Variants in TCAIM observed in about 807,000 individuals in gnomAD.
TCAIM encodes the protein T cell activation inhibitor, mitochondrial, also known as T-cell activation inhibitor, mitochondrial.
TCAIM carries 36 observed loss-of-function variants against 58.6 expected under a neutral mutation model. The ratio of observed to expected loss-of-function variants is 0.61; its 90% CI spans 0.47 to 0.81. TCAIM has a LOEUF of 0.81. TCAIM is among the 30% of genes least tolerant of loss of function. The pLI is 0.00. For synonymous variants in TCAIM, 172 were observed against 193.6 expected (o/e 0.89, Z 0.93); for missense variants, 466 against 579.6 (o/e 0.80, Z 2.01).
At chr3:44,400,979 G>A (rs953315909) in intron 9 of TCAIM, 7 of 567,526 alleles carry the variant, frequency 1.2e-5, no homozygotes, top group Non-Finnish European at 2.1e-5. Flanking sequence ...GTCACCCCTG[G>A]CATGTGACAG....
Position 44,389,503 on chromosome 3 carries a change from G to A in TCAIM, c.573-3352G>A, listed in dbSNP as rs150777593. On this transcript the variant is annotated intron_variant, in intron 5 of 10. Coordinates refer to ENST00000342649, the MANE Select transcript of TCAIM (RefSeq NM_173826.4). ...CCAAACCAGACATGATGTGTCATTTGATAATTCATATGTCAATAAATCATG... is the reference window on the plus strand; with the variant it reads ...CCAAACCAGACATGATGTGTCATTTAATAATTCATATGTCAATAAATCATG... Among the ~76,000 whole-genome samples the A allele has an allele frequency of 7.1e-4, 108 of 152,258 alleles. 2 individuals are homozygous for A. In the East Asian group the frequency reaches 0.018, roughly 26 times the overall value.
chr3:44,407,484 G>T lies in TCAIM; in HGVS notation c.1293G>T (p.Lys431Asn). The T allele has an allele frequency of 6.2e-7, 1 of 1,609,106 alleles. No individual in the cohort carries two copies. Among genetic ancestry groups the T allele is most frequent in the Non-Finnish European group, 8.5e-7 (1 of 1,176,236 alleles). Residue 431 changes from lysine (K) to asparagine (N), a missense_variant, in exon 11 of 11, where the codon AAG (lysine) becomes AAT (asparagine). Lys to Asn is a moderately conservative substitution (Grantham distance 94). Coordinates refer to ENST00000342649, the MANE Select transcript of TCAIM (RefSeq NM_173826.4). ...ATGAATTGATACAGGCATCAACAAAGAAATTTTCTTTGGAGAAGTTATATA... is the reference window on the plus strand; with the variant it reads ...ATGAATTGATACAGGCATCAACAAATAAATTTTCTTTGGAGAAGTTATATA... ...IENELIQAST[K>N]KFSLEKLYKE...
intron 5 of TCAIM, among the ~76,000 whole-genome samples, chr3:44,379,099 A>AGGGTG (rs1401075951): frequency 2.2e-5 from 1 of 45,670 alleles, no homozygotes; most frequent in Non-Finnish European, 4.2e-5. Context: ...CTCGGTGGGG[A>AGGGTG]GGGTGGGGTG....
At chr3:44,396,722 G>A in intron 7 of TCAIM, 21 bp from the exon 8 acceptor site, 1 of 1,610,274 alleles carries the variant, frequency 6.2e-7, no homozygotes, top group Non-Finnish European at 8.5e-7. Flanking sequence ...CATGACCAAA[G>A]GTTTTGTGTT....
chr3:44,358,242 G>T lies in TCAIM; in HGVS notation c.165+366G>T, dbSNP rs866565144. On this transcript the variant is annotated intron_variant, in intron 3 of 10. Transcript: ENST00000342649. ...GATGATACATGGAAGAGTTTTCAATGCCCTAGTGATTTTTCCTTATGATGC... is the reference window on the plus strand; with the variant it reads ...GATGATACATGGAAGAGTTTTCAATTCCCTAGTGATTTTTCCTTATGATGC... The T allele has an allele frequency of 1.3e-5, 19 of 1,502,490 alleles. No individual in the cohort carries two copies. In the African/African-American group the frequency reaches 2.0e-4, roughly 15 times the overall value. The allele number at this position is 1,502,490 out of a possible 1,614,324, so 93.1% of individuals were successfully genotyped here.
chr3:44,401,209 A>T lies in TCAIM; in HGVS notation c.1125A>T (p.Arg375Ser). 6.2e-7 allele frequency: 1 copy of T among 1,613,986 alleles called. No homozygotes were observed. The highest frequency in any genetic ancestry group is 8.5e-7 in the Non-Finnish European group (1 of 1,179,930). ...AATGTATATTTTATTGCAGTGACAG[A>T]TATGCTCCAAGCTTGCATGAACTCG... ...RGLQMILNSD[R>S]YAPSLHELGH... The change falls in exon 10 of 11, where the codon AGA becomes AGT. Residue 375 changes from arginine (R) to serine (S), a missense_variant. Coordinates refer to ENST00000342649, the MANE Select transcript of TCAIM (RefSeq NM_173826.4).
chr3:44,397,415 C>G (rs571442768), intron 8 of TCAIM, among the ~76,000 whole-genome samples: 1 of 152,148 alleles, frequency 6.6e-6, no homozygotes, highest in African/African-American at 2.4e-5. Flanking sequence ...TGTCTGGTTT[C>G]TTTCACTGTC....
In TCAIM at chr3:44,358,240, A is replaced by G. The variant is rs779010122; in HGVS notation, c.165+364A>G. 33 of 1,512,460 alleles carry G rather than the reference A, an allele frequency of 2.2e-5. No homozygotes were observed. In the South Asian group the frequency reaches 2.3e-4, roughly 11 times the overall value. The allele number at this position is 1,512,460 out of a possible 1,614,324, so 93.7% of individuals were successfully genotyped here. ...AGGATGATACATGGAAGAGTTTTCA[A>G]TGCCCTAGTGATTTTTCCTTATGAT... On this transcript the variant is annotated intron_variant, in intron 3 of 10. Coordinates refer to ENST00000342649, the MANE Select transcript of TCAIM (RefSeq NM_173826.4).
chr3:44,371,688 A>G (rs894235721), intron 5 of TCAIM, among the ~76,000 whole-genome samples: 1 of 152,190 alleles, frequency 6.6e-6, no homozygotes, highest in Non-Finnish European at 1.5e-5. Flanking sequence ...GCATGTTCAC[A>G]TAGGCCCAGA....
chr3:44,386,770 G>A lies in TCAIM; in HGVS notation c.573-6085G>A, dbSNP rs570301420. On this transcript the variant is annotated intron_variant, in intron 5 of 10. Coordinates refer to ENST00000342649, the MANE Select transcript of TCAIM (RefSeq NM_173826.4). ...CACAGGAGGGAGGCATGGTGAGGGTGGCTGAGGGCAGCTTGGCCCAGGCCT... is the reference window on the plus strand; with the variant it reads ...CACAGGAGGGAGGCATGGTGAGGGTAGCTGAGGGCAGCTTGGCCCAGGCCT... 2.0e-5 allele frequency among the ~76,000 whole-genome samples: 3 copies of A among 152,368 alleles called. No individual in the cohort carries two copies. The South Asian group carries it at 6.2e-4, about 32-fold the overall frequency.
intron 1 of TCAIM, among the ~76,000 whole-genome samples, chr3:44,352,726 T>TGTCGTTC (rs1701115889): frequency 6.6e-6 from 1 of 152,182 alleles, no homozygotes; most frequent in Non-Finnish European, 1.5e-5. Flanking sequence ...TTCCACCATT[T>TGTCGTTC]TAGTATCGTT....
intron 1 of TCAIM, among the ~76,000 whole-genome samples, chr3:44,347,556 A>T (rs1011229345): frequency 2.0e-5 from 3 of 152,098 alleles, no homozygotes; most frequent in Admixed American, 6.6e-5. Flanking sequence ...CGTATTGAGG[A>T]TAGGAGAGTA....
intron 5 of TCAIM, among the ~76,000 whole-genome samples, chr3:44,389,918 A>C (rs1701805481): frequency 6.6e-6 from 1 of 152,020 alleles, no homozygotes; most frequent in African/African-American, 2.4e-5. Flanking sequence ...GGTACATCTC[A>C]TAGGTCTTTA....
Position 44,407,827 on chromosome 3 carries a change from T to A in TCAIM, c.*145T>A. 2 of 948,798 alleles carry A rather than the reference T, an allele frequency of 2.1e-6. No homozygotes were observed. Among genetic ancestry groups the A allele is most frequent in the South Asian group, 2.1e-5 (1 of 47,368 alleles). 58.8% of individuals were successfully genotyped at this position (948,798 alleles called of 1,614,324 possible). On this transcript the variant is annotated 3_prime_UTR_variant, in exon 11 of 11. Transcript: ENST00000342649. ...TTAAAAGTAGACTTTTTTAAAAAAA[T>A]TAATTTCTGCTAGGAGAGGTTTTAT...
At chr3:44,390,727 T>C (rs544244915) in intron 5 of TCAIM, among the ~76,000 whole-genome samples, 1 of 152,136 alleles carries the variant, frequency 6.6e-6, no homozygotes, top group African/African-American at 2.4e-5. Context: ...TCCTAGCATT[T>C]TGGCAGGTCG....
At chr3:44,401,901 C>T (rs1009399866) in intron 10 of TCAIM, among the ~76,000 whole-genome samples, 1 of 151,892 alleles carries the variant, frequency 6.6e-6, no homozygotes, top group African/African-American at 2.4e-5. Flanking sequence ...GGTGTTATGG[C>T]GGTCACCTCT....
chr3:44,359,558 C>A (rs1701261707), intron 3 of TCAIM: 1 of 152,174 alleles, frequency 6.6e-6, no homozygotes, highest in African/African-American at 2.4e-5. Flanking sequence ...AAATGCTTAC[C>A]TGACTGACCC....
At chr3:44,389,012 GCCCGGCCGGTGGCTTACGCCTGTAAT>G (rs1575271304) in intron 5 of TCAIM, among the ~76,000 whole-genome samples, 1 of 152,166 alleles carries the variant, frequency 6.6e-6, no homozygotes, top group East Asian at 1.9e-4. Flanking sequence ...TATATTAAAA[GCCCGGCCGGTGGCTTACGCCTGTAAT>G]CCCGGCACTT....
At chr3:44,351,358 T>C (rs902380374) in intron 1 of TCAIM, among the ~76,000 whole-genome samples, 14 of 152,222 alleles carry the variant, frequency 9.2e-5, no homozygotes, top group East Asian at 5.8e-4. Flanking sequence ...TTTTTTTTTT[T>C]CCTCATTGTA....
Sources: allele counts gnomAD v4.1 joint callset (sites outside exome capture counted in the v4.1 genomes callset), GRCh38; gene constraint gnomAD v4.1.1; transcripts MANE v1.5; gene names NCBI Gene and HGNC (gene_info 2026-07-23, HGNC 2026-07-21).